CNNM2: variants seen among roughly 807,000 people sequenced by gnomAD.
CNNM2 encodes metal transporter CNNM2.
In CNNM2, 12 loss-of-function variants were observed where a neutral mutation model predicts 66.9. That is an observed-to-expected ratio of 0.18 (90% CI 0.11 to 0.29). The LOEUF (loss-of-function observed/expected upper bound fraction) is 0.29. Among genes scored for constraint, CNNM2 ranks in the 10% least tolerant of loss-of-function variants. The pLI is 1.00. For missense variants in CNNM2, 705 were observed against 1,167.7 expected (o/e 0.60, Z 5.77); for synonymous variants, 557 against 501.8 (o/e 1.11, Z -1.47).
chr10:103,025,869 G>A lies in CNNM2; in HGVS notation c.1622-23838G>A, dbSNP rs565182692. On this transcript the variant is annotated intron_variant, in intron 1 of 7. Coordinates refer to ENST00000369878, the MANE Select transcript of CNNM2 (RefSeq NM_017649.5). Reference sequence around the variant, plus strand: ...TTCTGAAAGATTCATCATATTTGCTGTGGGTTGAATGTGTCTCACAAAGTT... The same window carrying A: ...TTCTGAAAGATTCATCATATTTGCTATGGGTTGAATGTGTCTCACAAAGTT... Among the ~76,000 whole-genome samples the A allele has an allele frequency of 9.3e-4, 141 of 152,328 alleles. 1 individual carries two copies. The highest frequency in any genetic ancestry group is 3.3e-3 in the African/African-American group (138 of 41,568).
At position 102,920,189 on chromosome 10, in the gene CNNM2, C is replaced by T. The variant is rs552611833; in HGVS notation, c.1621+88C>T. The T allele has an allele frequency of 6.2e-6, 10 of 1,610,764 alleles. No homozygotes were observed. In the African/African-American group the frequency reaches 1.1e-4, roughly 17 times the overall value. On this transcript the variant is annotated intron_variant, in intron 1 of 7. Transcript: ENST00000369878. ...AGTCCTCTACCCTCAGACCAACCCC[C>T]CAAGGCGAGTTGACCGGGATTTCTC...
At chr10:103,057,373 A>AG (rs1157296054) in intron 4 of CNNM2, among the ~76,000 whole-genome samples, 5 of 151,872 alleles carry the variant, frequency 3.3e-5, no homozygotes, top group African/African-American at 9.7e-5. Flanking sequence ...GGAGGCTAAG[A>AG]CAGGGGGCGG....
intron 1 of CNNM2, among the ~76,000 whole-genome samples, chr10:102,953,567 A>AT (rs901220006): frequency 7.4e-6 from 1 of 134,704 alleles, no homozygotes; most frequent in African/African-American, 2.8e-5. Flanking sequence ...CGGCCTATTT[A>AT]TTTATTTTTA....
At chr10:103,005,337 T>C (rs779375548) in intron 1 of CNNM2, among the ~76,000 whole-genome samples, 2 of 152,164 alleles carry the variant, frequency 1.3e-5, no homozygotes, top group Non-Finnish European at 2.9e-5. Flanking sequence ...ATTTAATAAT[T>C]GTTGGCTGCT....
chr10:103,015,887 A>T (rs897434787), intron 1 of CNNM2, among the ~76,000 whole-genome samples: 1 of 152,106 alleles, frequency 6.6e-6, no homozygotes, highest in Non-Finnish European at 1.5e-5. Context: ...CAAAAAACTC[A>T]GAAAGGTGCC....
chr10:102,930,804 C>T (rs1846037896), intron 1 of CNNM2, among the ~76,000 whole-genome samples: 1 of 152,150 alleles, frequency 6.6e-6, no homozygotes, highest in African/African-American at 2.4e-5. Flanking sequence ...GAAATGTGGC[C>T]TTTTGTGGCT....
chr10:103,026,409 G>T (rs1294906946), intron 1 of CNNM2, among the ~76,000 whole-genome samples: 1 of 151,996 alleles, frequency 6.6e-6, no homozygotes, highest in Admixed American at 6.6e-5. Flanking sequence ...AGACCAGTCT[G>T]GGAAACACGG....
intron 1 of CNNM2, among the ~76,000 whole-genome samples, chr10:102,947,855 T>TC (rs1227657398): frequency 3.3e-5 from 5 of 151,738 alleles, no homozygotes; most frequent in East Asian, 1.9e-4. Flanking sequence ...ATCGAGACCA[T>TC]CTGGCTAACA....
At chr10:103,052,570 G>C (rs2065233893) in intron 2 of CNNM2, among the ~76,000 whole-genome samples, 1 of 150,626 alleles carries the variant, frequency 6.6e-6, no homozygotes, top group South Asian at 2.1e-4. Context: ...CTGGAGTGCA[G>C]TGGTGCAATC....
chr10:103,090,099 A>C lies in CNNM2; in HGVS notation c.*12919A>C. On this transcript the variant is annotated 3_prime_UTR_variant, in exon 8 of 8. Transcript: ENST00000369878. ...TCTTCCTCTCTCCCTGCCCCTCAAA[A>C]TGGTGCCCATATTGTCTACTGCAGC... 2.1e-6 allele frequency: 1 copy of C among 470,094 alleles called. No homozygotes were observed. Among genetic ancestry groups the C allele is most frequent in the Non-Finnish European group, 3.7e-6 (1 of 269,876 alleles). 29.1% of individuals were successfully genotyped at this position (470,094 alleles called of 1,614,324 possible). A position where few individuals can be genotyped will look rare whatever the true frequency, so the allele number is the denominator to read the frequency against.
rs761998741 is a variant in CNNM2 at position 103,056,883 on chromosome 10, T to C, written c.1992T>C (p.Tyr664=). Residue 664 remains tyrosine, a synonymous_variant, in exon 4 of 8, where the codon TAT becomes TAC. Coordinates refer to ENST00000369878, the MANE Select transcript of CNNM2 (RefSeq NM_017649.5). The stretch of plus-strand genomic sequence containing the variant: ...CCAATGTCATCCAGGAACTGAAATA[T>C]GATGAGAAGAACAAGAAAGCCCCCG... The part of the protein sequence containing the change: ...KHPNVIQELK[Y]DEKNKKAPEY... 6.2e-7 allele frequency: 1 copy of C among 1,613,932 alleles called. No homozygotes were observed. The highest frequency in any genetic ancestry group is 8.5e-7 in the Non-Finnish European group (1 of 1,179,870).
chr10:102,951,106 A>G (rs1590297741), intron 1 of CNNM2, among the ~76,000 whole-genome samples: 2 of 147,064 alleles, frequency 1.4e-5, no homozygotes, highest in African/African-American at 2.5e-5. Context: ...TCCTGCCTCA[A>G]CCTCCCAAGT....
intron 1 of CNNM2, among the ~76,000 whole-genome samples, chr10:102,952,016 T>C (rs894787727): frequency 6.6e-6 from 1 of 151,974 alleles, no homozygotes; most frequent in Admixed American, 6.5e-5. Flanking sequence ...TTGGTCAGGC[T>C]GGTCTCGAGC....
intron 1 of CNNM2, among the ~76,000 whole-genome samples, 192 bp from the exon 2 acceptor site, chr10:103,049,515 A>G (rs2065182090): frequency 6.6e-6 from 1 of 152,196 alleles, no homozygotes; most frequent in Admixed American, 6.5e-5. Flanking sequence ...CTTCTGGCGT[A>G]ACTTTCTGCC....
intron 1 of CNNM2, among the ~76,000 whole-genome samples, chr10:102,953,807 T>C (rs1846929979): frequency 6.6e-6 from 1 of 152,094 alleles, no homozygotes; most frequent in African/African-American, 2.4e-5. Context: ...GCAATCCACC[T>C]GCCTTGACCT....
chr10:103,069,959 C>T (rs1337981094), intron 5 of CNNM2, among the ~76,000 whole-genome samples: 11 of 152,228 alleles, frequency 7.2e-5, no homozygotes, highest in African/African-American at 1.9e-4. Flanking sequence ...TGGTCTTCAT[C>T]GACTGCTCCA....
chr10:102,936,542 G>A (rs548632303), intron 1 of CNNM2, among the ~76,000 whole-genome samples: 68 of 150,120 alleles, frequency 4.5e-4, no homozygotes, highest in Non-Finnish European at 8.7e-4. Context: ...TTGGTGCAAT[G>A]GGGGTGGGGG....
intron 5 of CNNM2, among the ~76,000 whole-genome samples, chr10:103,070,942 CG>C (rs555148313): frequency 3.1e-4 from 47 of 151,388 alleles, no homozygotes; most frequent in African/African-American, 7.5e-4. Context: ...ACTAAAAAAG[CG>C]GGGGGGGAAT....
chr10:102,989,357 C>CT (rs2134240143), intron 1 of CNNM2, among the ~76,000 whole-genome samples: 1 of 151,934 alleles, frequency 6.6e-6, no homozygotes, highest in South Asian at 2.1e-4. Flanking sequence ...CTGGGGTCGT[C>CT]TTTATTTTAT....
Sources: allele counts gnomAD v4.1 joint callset (sites outside exome capture counted in the v4.1 genomes callset), GRCh38; gene constraint gnomAD v4.1.1; transcripts MANE v1.5; gene names NCBI Gene and HGNC (gene_info 2026-07-23, HGNC 2026-07-21).